TXNRD2: variants seen among roughly 807,000 people sequenced by gnomAD.
The protein encoded by TXNRD2 is thioredoxin reductase 2, also known as thioredoxin reductase 2, mitochondrial.
Under a neutral mutation model 70.8 loss-of-function variants are expected in TXNRD2, and 67 were observed. The ratio of observed to expected loss-of-function variants is 0.95; its 90% CI spans 0.78 to 1.16. TXNRD2 has a LOEUF of 1.16. TXNRD2 is among the 50% of genes most tolerant of loss of function. The pLI, the probability that TXNRD2 is intolerant of heterozygous loss-of-function variation, is 0.00. For synonymous variants in TXNRD2, 301 were observed against 295.8 expected (o/e 1.02, Z -0.18); for missense variants, 644 against 719.9 (o/e 0.89, Z 1.21).
intron 7 of TXNRD2, 25 bp downstream of exon 7, chr22:19,915,189 G>A (rs369924110): frequency 6.2e-7 from 1 of 1,612,302 alleles, no homozygotes; most frequent in South Asian, 1.1e-5. Flanking sequence ...CGGCAGCAGG[G>A]ACGCTATGCT....
intron 2 of TXNRD2, among the ~76,000 whole-genome samples, chr22:19,924,835 G>A (rs73880015): frequency 0.042 from 6,399 of 152,254 alleles, 152 homozygotes; most frequent in South Asian, 0.11. Flanking sequence ...GTGAGGGGAA[G>A]AAGGAGGGAC....
At chr22:19,941,506 C>A in intron 1 of TXNRD2, 195 bp downstream of exon 1, 3 of 995,524 alleles carry the variant, frequency 3.0e-6, no homozygotes, top group Non-Finnish European at 4.0e-6. Flanking sequence ...CCAGTTTCCC[C>A]ACCTGGGAAG....
intron 11 of TXNRD2, among the ~76,000 whole-genome samples, chr22:19,892,915 A>G (rs1378925800): frequency 5.3e-5 from 8 of 152,226 alleles, no homozygotes; most frequent in African/African-American, 1.7e-4. Context: ...AAACTTACTT[A>G]AAATCTACTT....
In TXNRD2 at chr22:19,878,453, C is replaced by T. The variant is rs570109826; in HGVS notation, c.1276-16G>A. 2 of 1,612,196 alleles carry T rather than the reference C, an allele frequency of 1.2e-6. No homozygotes were observed. Among genetic ancestry groups the T allele is most frequent in the Admixed American group, 3.3e-5 (2 of 60,014 alleles). On this transcript the variant is annotated splice_polypyrimidine_tract_variant and intron_variant, in intron 14 of 17. Transcript: ENST00000400521. ...CGTGATAGACCTGAGGACAGGATAC[C>T]AACCCTGGATCAGTGCTGCGACAAA...
At position 19,877,145 on chromosome 22, in the gene TXNRD2, C is replaced by T. The variant is rs375708279; in HGVS notation, c.1535G>A (p.Arg512His). Reference sequence around the variant, plus strand: ...TGTCACCGTGGGGTCCAGGCCTGAGCGCTTGGAGATGCGCAGCTTGACTAC... The same window carrying T: ...TGTCACCGTGGGGTCCAGGCCTGAGTGCTTGGAGATGCGCAGCTTGACTAC... Reference protein sequence around the residue: ...EEVVKLRISKRSGLDPTVTGC... With the variant: ...EEVVKLRISKHSGLDPTVTGC... The change falls in exon 17 of 18, where the codon CGC becomes CAC. Residue 512 changes from arginine to histidine, a missense_variant. Coordinates refer to ENST00000400521, the MANE Select transcript of TXNRD2 (RefSeq NM_006440.5). 2.9e-5 allele frequency: 46 copies of T among 1,609,022 alleles called. No individual in the cohort carries two copies. Among genetic ancestry groups the T allele is most frequent in the South Asian group, 4.4e-5 (4 of 90,978 alleles).
At chr22:19,904,589 C>G (rs1472394541) in intron 8 of TXNRD2, among the ~76,000 whole-genome samples, 1 of 152,248 alleles carries the variant, frequency 6.6e-6, no homozygotes, top group Non-Finnish European at 1.5e-5. Flanking sequence ...AGATCTGGAG[C>G]TCCCGGCAGT....
intron 11 of TXNRD2, among the ~76,000 whole-genome samples, chr22:19,891,165 C>T (rs1939246708): frequency 1.3e-5 from 2 of 152,234 alleles, no homozygotes; most frequent in African/African-American, 4.8e-5. Flanking sequence ...GAGGAAATAG[C>T]TTCAGTGGCT....
intron 2 of TXNRD2, among the ~76,000 whole-genome samples, chr22:19,927,668 A>AAAAAAAAAAAAAAAAAG (rs1941202388): frequency 6.8e-6 from 1 of 148,146 alleles, no homozygotes; most frequent in Non-Finnish European, 1.5e-5. Flanking sequence ...AAAAAAAAAA[A>AAAAAAAAAAAAAAAAAG]AAAGAAAAGA....
chr22:19,917,461 C>T (rs565758740), intron 5 of TXNRD2, among the ~76,000 whole-genome samples: 1 of 152,260 alleles, frequency 6.6e-6, no homozygotes, highest in Admixed American at 6.5e-5. Context: ...CCAGGAAGAC[C>T]CGCCCTGGGG....
chr22:19,925,245 C>G (rs1941092072), intron 2 of TXNRD2, among the ~76,000 whole-genome samples: 1 of 151,890 alleles, frequency 6.6e-6, no homozygotes, highest in Non-Finnish European at 1.5e-5. Context: ...GATCGCACCA[C>G]TGCACTCCAG....
chr22:19,883,944 C>CAA (rs35225890), intron 11 of TXNRD2: 26,737 of 133,212 alleles, frequency 0.2, 2,871 homozygotes, highest in African/African-American at 0.29. Context: ...AACTCTGTCT[C>CAA]AAAAAAAAAA....
chr22:19,931,174 G>A (rs975275287), intron 1 of TXNRD2, 76 bp from the exon 2 acceptor site: 2 of 1,353,498 alleles, frequency 1.5e-6, no homozygotes, highest in Admixed American at 3.4e-5. Context: ...TATCAGGATT[G>A]GACACTCCAT....
chr22:19,940,244 C>CCAAAA (rs375896287), intron 1 of TXNRD2, among the ~76,000 whole-genome samples: 2 of 68,492 alleles, frequency 2.9e-5, no homozygotes, highest in Non-Finnish European at 5.1e-5. Context: ...GACACTGTCT[C>CCAAAA]AAAAAAAAAA....
intron 14 of TXNRD2, among the ~76,000 whole-genome samples, chr22:19,879,360 G>C (rs1020488271): frequency 6.6e-6 from 1 of 152,104 alleles, no homozygotes; most frequent in South Asian, 2.1e-4. Flanking sequence ...AAACCGCACC[G>C]AAGGCTTCCA....
intron 10 of TXNRD2, 106 bp from the exon 11 acceptor site, chr22:19,895,687 G>T: frequency 7.5e-7 from 1 of 1,340,196 alleles, no homozygotes; most frequent in South Asian, 1.2e-5. Flanking sequence ...AGAGGGGTCT[G>T]TGCGGAAGAC....
Position 19,899,130 on chromosome 22 carries a change from C to A in TXNRD2, c.663-62G>T. ...GAGGCCCTTATTGACCAAGTGCAGT[C>A]AGAGCAGAACCCCGCAGCCTTTGCC... is the stretch of plus-strand genomic sequence containing the variant. On this transcript the variant is annotated intron_variant, in intron 8 of 17. Transcript: ENST00000400521. 1.9e-6 allele frequency: 3 copies of A among 1,600,888 alleles called. No homozygotes were observed. The South Asian group carries it at 3.3e-5, about 18-fold the overall frequency.
intron 8 of TXNRD2, among the ~76,000 whole-genome samples, chr22:19,909,564 A>G (rs1601435378): frequency 4.2e-5 from 1 of 23,852 alleles, no homozygotes; most frequent in African/African-American, 1.8e-4. Context: ...CACACTACTC[A>G]CATACACACA....
intron 11 of TXNRD2, among the ~76,000 whole-genome samples, chr22:19,888,882 C>CTTT (rs11372870): frequency 1.3e-3 from 181 of 142,672 alleles, no homozygotes; most frequent in Non-Finnish European, 2.0e-3. Context: ...TATTTATCTT[C>CTTT]TTTTTTTTTT....
intron 1 of TXNRD2, among the ~76,000 whole-genome samples, chr22:19,935,681 T>G (rs1022941418): frequency 6.6e-6 from 1 of 152,176 alleles, no homozygotes; most frequent in African/African-American, 2.4e-5. Flanking sequence ...GTAAAATTCC[T>G]CTTTGTACTC....
Sources: allele counts gnomAD v4.1 joint callset (sites outside exome capture counted in the v4.1 genomes callset), GRCh38; gene constraint gnomAD v4.1.1; transcripts MANE v1.5; gene names NCBI Gene and HGNC (gene_info 2026-07-23, HGNC 2026-07-21).